Variants in ROCK1 observed in about 807,000 individuals in gnomAD.
ROCK1 encodes Rho associated coiled-coil containing protein kinase 1, also known as rho-associated protein kinase 1.
A neutral mutation model predicts 196.8 loss-of-function variants in ROCK1; 36 were observed. That is an observed-to-expected ratio of 0.18 (90% CI 0.14 to 0.24). The LOEUF (loss-of-function observed/expected upper bound fraction) is 0.24, where lower values mean the gene tolerates loss of function less well. Among genes scored for constraint, ROCK1 ranks in the 10% least tolerant of loss-of-function variants. ROCK1 has a pLI of 1.00. For missense variants in ROCK1, 920 were observed against 1,562.0 expected (o/e 0.59, Z 6.93); for synonymous variants, 443 against 515.9 (o/e 0.86, Z 1.91).
intron 18 of ROCK1, among the ~76,000 whole-genome samples, chr18:20,990,892 C>G (rs1435168664): frequency 2.0e-5 from 3 of 151,590 alleles, no homozygotes; most frequent in Admixed American, 6.6e-5. Flanking sequence ...TCCCCAGTAG[C>G]TGGGATTACA....
At chr18:20,983,566 G>C (rs907767135) in intron 20 of ROCK1, among the ~76,000 whole-genome samples, 2 of 151,970 alleles carry the variant, frequency 1.3e-5, no homozygotes, top group African/African-American at 4.8e-5. Context: ...TTTCATATTA[G>C]ACAGTAATAG....
chr18:20,955,310 A>G (rs1480122654), intron 29 of ROCK1, 65 bp from the exon 30 acceptor site: 15 of 1,393,908 alleles, frequency 1.1e-5, no homozygotes, highest in Non-Finnish European at 1.4e-5. Context: ...ATTTCACTAA[A>G]GAGGACATAT....
At chr18:21,041,338 G>A (rs1415691685) in intron 8 of ROCK1, among the ~76,000 whole-genome samples, 1 of 146,610 alleles carries the variant, frequency 6.8e-6, no homozygotes, top group African/African-American at 2.5e-5. Context: ...AGGACATAAT[G>A]AAGGGAGACA....
At position 21,072,503 on chromosome 18, in the gene ROCK1, T is replaced by C. The variant is rs183473162; in HGVS notation, c.94-1890A>G. Among the ~76,000 whole-genome samples, 67 of 152,252 alleles carry C rather than the reference T, an allele frequency of 4.4e-4. 1 individual carries two copies. In the East Asian group the frequency reaches 0.01, roughly 23 times the overall value. ...TGCAAGGAATGTGTATGTCCAACTATAAATGAGGCAGGAACCTTAGCTTTT... is the reference window on the plus strand; with the variant it reads ...TGCAAGGAATGTGTATGTCCAACTACAAATGAGGCAGGAACCTTAGCTTTT... On this transcript the variant is annotated intron_variant, in intron 1 of 32. Transcript: ENST00000399799.
chr18:21,081,361 C>T (rs1461898989), intron 1 of ROCK1, among the ~76,000 whole-genome samples: 1 of 151,926 alleles, frequency 6.6e-6, no homozygotes, highest in African/African-American at 2.4e-5. Context: ...GCTGAAAAAT[C>T]AGTGCAAAGG....
intron 1 of ROCK1, among the ~76,000 whole-genome samples, chr18:21,098,526 CTA>C (rs1287460973): frequency 6.6e-6 from 1 of 151,596 alleles, no homozygotes; most frequent in Non-Finnish European, 1.5e-5. Context: ...ATCTTTCTAA[CTA>C]TGACTCAAAA....
At chr18:21,057,450 A>C (rs190164783) in intron 2 of ROCK1, among the ~76,000 whole-genome samples, 217 of 152,368 alleles carry the variant, frequency 1.4e-3, no homozygotes, top group Non-Finnish European at 2.1e-3. Context: ...GTTACCAAAA[A>C]TTCAAAAGCA....
chr18:20,998,811 C>T (rs2035695831), intron 16 of ROCK1, among the ~76,000 whole-genome samples: 1 of 151,748 alleles, frequency 6.6e-6, no homozygotes, highest in African/African-American at 2.4e-5. Flanking sequence ...TCCATGTTGG[C>T]TAGGCCAGGC....
chr18:21,074,044 G>A (rs1156622538), intron 1 of ROCK1, among the ~76,000 whole-genome samples: 2 of 152,084 alleles, frequency 1.3e-5, no homozygotes, highest in African/African-American at 4.8e-5. Context: ...TGCAGTCCCA[G>A]CTACTTGAGA....
chr18:21,007,227 T>C (rs2035776156), intron 14 of ROCK1, among the ~76,000 whole-genome samples: 1 of 152,150 alleles, frequency 6.6e-6, no homozygotes, highest in Non-Finnish European at 1.5e-5. Flanking sequence ...GAGTCTCCCT[T>C]AACTGGCTCT....
chr18:20,992,691 C>T (rs922043105), intron 17 of ROCK1, 140 bp downstream of exon 17: 67 of 566,626 alleles, frequency 1.2e-4, no homozygotes, highest in Admixed American at 1.7e-4. Context: ...GCCCCACATA[C>T]AACCAATCAA....
At chr18:20,970,965 T>G (rs1008025240) in intron 22 of ROCK1, among the ~76,000 whole-genome samples, 8 of 152,168 alleles carry the variant, frequency 5.3e-5, no homozygotes, top group African/African-American at 1.9e-4. Context: ...ATCTGTAAAA[T>G]GAGATGGTTA....
At chr18:20,994,200 G>A (rs1414423530) in intron 16 of ROCK1, among the ~76,000 whole-genome samples, 2 of 152,184 alleles carry the variant, frequency 1.3e-5, no homozygotes, top group African/African-American at 4.8e-5. Context: ...AGAAACAGCT[G>A]CCGCTTTCTT....
At chr18:21,000,266 CT>C (rs112094549) in intron 16 of ROCK1, among the ~76,000 whole-genome samples, 9,880 of 144,840 alleles carry the variant, frequency 0.068, 1,019 homozygotes, top group African/African-American at 0.23. Flanking sequence ...AATTGATTTT[CT>C]TTTTTTTTTT....
chr18:20,989,762 G>A (rs191197314), intron 18 of ROCK1, among the ~76,000 whole-genome samples: 1 of 152,256 alleles, frequency 6.6e-6, no homozygotes, highest in Non-Finnish European at 1.5e-5. Flanking sequence ...TGAAGATAAT[G>A]AAGACAGGTA....
chr18:20,984,247 A>G, intron 20 of ROCK1, 104 bp downstream of exon 20: 2 of 856,266 alleles, frequency 2.3e-6, no homozygotes, highest in South Asian at 3.9e-5. Flanking sequence ...TCTGTCTTTC[A>G]CAAACTCTAA....
intron 29 of ROCK1, among the ~76,000 whole-genome samples, chr18:20,956,223 G>GA (rs918313569): frequency 6.6e-6 from 1 of 151,406 alleles, no homozygotes; most frequent in African/African-American, 2.4e-5. Flanking sequence ...GAAGAGACAG[G>GA]AAAAAAAGAA....
intron 11 of ROCK1, among the ~76,000 whole-genome samples, chr18:21,021,092 G>A (rs1387652434): frequency 6.6e-6 from 1 of 152,174 alleles, no homozygotes; most frequent in African/African-American, 2.4e-5. Context: ...GAATGAAGAG[G>A]AAGTAATGGA....
intron 2 of ROCK1, among the ~76,000 whole-genome samples, chr18:21,064,151 A>C (rs1157520276): frequency 6.6e-6 from 1 of 152,130 alleles, no homozygotes; most frequent in African/African-American, 2.4e-5. Context: ...CCAGCCTGCC[A>C]TTTCAGTCTC....
Sources: allele counts gnomAD v4.1 joint callset (sites outside exome capture counted in the v4.1 genomes callset), GRCh38; gene constraint gnomAD v4.1.1; transcripts MANE v1.5; gene names NCBI Gene and HGNC (gene_info 2026-07-23, HGNC 2026-07-21).